Variants in MMD2 observed in about 807,000 individuals in gnomAD.
The protein encoded by MMD2 is monocyte to macrophage differentiation factor 2.
MMD2 carries 30 observed loss-of-function variants against 33.5 expected under a neutral mutation model. The observed-to-expected ratio is 0.90, with a 90% CI of 0.67 to 1.22. The LOEUF (loss-of-function observed/expected upper bound fraction) is 1.22, where lower values mean the gene tolerates loss of function less well. Ranked by LOEUF, MMD2 falls within the 50% of genes most tolerant of loss-of-function variation. The pLI is 0.00. For synonymous variants in MMD2, 129 were observed against 123.0 expected, an observed-to-expected ratio of 1.05 and a Z score of -0.32; for missense variants, 364 against 325.4, an observed-to-expected ratio of 1.12 and a Z score of -0.91.
chr7:4,910,308 C>T (rs1430455895), intron 5 of MMD2, among the ~76,000 whole-genome samples: 1 of 152,128 alleles, frequency 6.6e-6, no homozygotes, highest in Non-Finnish European at 1.5e-5. Context: ...CCCACAAGGC[C>T]CAAGCAGCCA....
At chr7:4,934,908 G>A (rs868277909) in intron 1 of MMD2, among the ~76,000 whole-genome samples, 2 of 152,176 alleles carry the variant, frequency 1.3e-5, no homozygotes, top group African/African-American at 4.8e-5. Context: ...GTTTAAGGCC[G>A]AGCGGGGTGG....
chr7:4,942,328 G>A (rs1785933201), intron 1 of MMD2, among the ~76,000 whole-genome samples: 1 of 151,192 alleles, frequency 6.6e-6, no homozygotes, highest in Non-Finnish European at 1.5e-5. Context: ...TCGAATACCT[G>A]GCCTCATGTG....
chr7:4,913,991 T>C (rs1412679911), intron 4 of MMD2, among the ~76,000 whole-genome samples: 1 of 152,056 alleles, frequency 6.6e-6, no homozygotes, highest in Non-Finnish European at 1.5e-5. Flanking sequence ...TGTTTCAGTT[T>C]CTTGTTTGTT....
chr7:4,921,946 C>T (rs777665488), intron 2 of MMD2, among the ~76,000 whole-genome samples: 17 of 152,102 alleles, frequency 1.1e-4, no homozygotes, highest in South Asian at 6.2e-4. Context: ...CATTTCTGGC[C>T]GGGTGCGGTG....
In MMD2 at chr7:4,946,149, A is replaced by C. The variant is rs1417803891; in HGVS notation, c.47+12822T>G. Reference sequence around the variant, plus strand: ...CACACCTGCACACGCACGCACACCCACACCCGCGCGCACACCTGCACACAT... The same window carrying C: ...CACACCTGCACACGCACGCACACCCCCACCCGCGCGCACACCTGCACACAT... On this transcript the variant is annotated intron_variant, in intron 1 of 6. Coordinates refer to ENST00000401401, the MANE Select transcript of MMD2 (RefSeq NM_198403.4). This position sits in a 1 kb window ranked among gnomAD's most constrained non-coding sequence, Gnocchi z 5.0. 6.6e-6 allele frequency among the ~76,000 whole-genome samples: 1 copy of C among 150,650 alleles called. No individual in the cohort carries two copies. Among genetic ancestry groups the C allele is most frequent in the East Asian group, 2.0e-4 (1 of 5,114 alleles).
At chr7:4,948,721 C>T (rs942963385) in intron 1 of MMD2, among the ~76,000 whole-genome samples, 58 of 152,306 alleles carry the variant, frequency 3.8e-4, no homozygotes, top group African/African-American at 1.4e-3. Context: ...CACCTGGGAA[C>T]AAATCTGACT....
intron 6 of MMD2, among the ~76,000 whole-genome samples, chr7:4,909,207 C>T (rs761063998): frequency 3.2e-4 from 49 of 151,712 alleles, no homozygotes; most frequent in African/African-American, 1.1e-3. Flanking sequence ...AGAAACTCTC[C>T]GCAGGGCACG....
intron 1 of MMD2, among the ~76,000 whole-genome samples, chr7:4,954,633 G>A (rs1238093076): frequency 6.6e-6 from 1 of 151,930 alleles, no homozygotes; most frequent in Non-Finnish European, 1.5e-5. Flanking sequence ...TGCCCAAGCT[G>A]GTCTTGAACT....
chr7:4,932,396 T>C (rs1785612051), intron 1 of MMD2, among the ~76,000 whole-genome samples: 3 of 152,176 alleles, frequency 2.0e-5, no homozygotes, highest in African/African-American at 7.2e-5. Context: ...AGTGAATTCA[T>C]ATTTTAATTT....
At chr7:4,953,013 T>C (rs1786291024) in intron 1 of MMD2, among the ~76,000 whole-genome samples, 1 of 151,888 alleles carries the variant, frequency 6.6e-6, no homozygotes, top group Non-Finnish European at 1.5e-5. Context: ...GTTTGCTTAG[T>C]TGGTTTTTTA....
intron 1 of MMD2, among the ~76,000 whole-genome samples, chr7:4,942,750 C>T (rs1046123202): frequency 2.6e-5 from 4 of 151,016 alleles, no homozygotes; most frequent in Non-Finnish European, 5.9e-5. Context: ...GTAGCTGGGA[C>T]TACAGACACG....
At chr7:4,953,510 GC>G (rs1297378482) in intron 1 of MMD2, among the ~76,000 whole-genome samples, 1 of 146,528 alleles carries the variant, frequency 6.8e-6, no homozygotes, top group Non-Finnish European at 1.5e-5. Context: ...TCACTCTATC[GC>G]CCAGGCTGGA....
Position 4,923,316 on chromosome 7 carries a change from C to G in MMD2, c.129+2135G>C, listed in dbSNP as rs151276471. Reference sequence around the variant, plus strand: ...ATGGGGTTTCACCATGTTGGCCAGGCTGGTCTCGAACTCCCAACCTCAAGT... The same window carrying G: ...ATGGGGTTTCACCATGTTGGCCAGGGTGGTCTCGAACTCCCAACCTCAAGT... On this transcript the variant is annotated intron_variant, in intron 2 of 6. Transcript: ENST00000401401. Among the ~76,000 whole-genome samples, 159 of 152,146 alleles carry G rather than the reference C, an allele frequency of 1.0e-3. 1 individual carries two copies. Among genetic ancestry groups the G allele is most frequent in the African/African-American group, 3.7e-3 (154 of 41,516 alleles).
chr7:4,906,129 G>A lies in MMD2; in HGVS notation c.*1267C>T, dbSNP rs565188356. ...GCCCACTCCACCCTGGTTGGGAGTC[G>A]CAGAATGAGGACCTCCTGACTTGAG... On this transcript the variant is annotated 3_prime_UTR_variant, in exon 7 of 7. Transcript: ENST00000401401. 14 of 191,268 alleles carry A rather than the reference G, an allele frequency of 7.3e-5. No individual in the cohort carries two copies. The highest frequency in any genetic ancestry group is 2.4e-4 in the East Asian group (2 of 8,214). The allele number at this position is 191,268 out of a possible 1,614,324, so 11.8% of individuals were successfully genotyped here.
Position 4,906,743 on chromosome 7 carries a change from A to C in MMD2, c.*653T>G. The C allele has an allele frequency of 2.5e-6, 1 of 392,284 alleles. No individual in the cohort carries two copies. The highest frequency in any genetic ancestry group is 4.5e-6 in the Non-Finnish European group (1 of 222,350). The allele number at this position is 392,284 out of a possible 1,614,324, so 24.3% of individuals were successfully genotyped here. ...TGCAAATGCCCATTTGGAGATTTTC[A>C]GCTACTCTGGCCATTATCCCATTTC... On this transcript the variant is annotated 3_prime_UTR_variant, in exon 7 of 7. Transcript: ENST00000401401.
intron 1 of MMD2, among the ~76,000 whole-genome samples, chr7:4,930,361 C>T (rs770111527): frequency 2.6e-5 from 4 of 151,116 alleles, no homozygotes; most frequent in Middle Eastern, 3.4e-3. Flanking sequence ...CAAAACAGGC[C>T]GGGCATGGTG....
rs76597773 is a variant in MMD2, at chr7:4,920,996, C to A, written c.130-665G>T. ...GCCTCCAAAGGATTGGGATTATAGG[C>A]GTGAGCCACCATGCCCAGCCTCAGG... is the stretch of plus-strand genomic sequence containing the variant. On this transcript the variant is annotated intron_variant, in intron 2 of 6. Coordinates refer to ENST00000401401, the MANE Select transcript of MMD2 (RefSeq NM_198403.4). 4.0e-3 allele frequency among the ~76,000 whole-genome samples: 613 copies of A among 152,250 alleles called. 13 individuals are homozygous for A. The East Asian group carries it at 0.05, about 13-fold the overall frequency.
Position 4,920,332 on chromosome 7 carries a change from C to A in MMD2, c.130-1G>T. 6.2e-7 allele frequency: 1 copy of A among 1,607,484 alleles called. No individual in the cohort carries two copies. The highest frequency in any genetic ancestry group is 8.5e-7 in the Non-Finnish European group (1 of 1,177,460). On this transcript the variant is annotated splice_acceptor_variant, in intron 2 of 6. Transcript: ENST00000401401. LOFTEE classifies it high-confidence loss of function. The stretch of plus-strand genomic sequence containing the variant: ...CCAGGATGCTGGGGATGATCCAGAA[C>A]TGGAGGGGCAGGGACGGCAGGGACA...
intron 1 of MMD2, among the ~76,000 whole-genome samples, chr7:4,953,475 CTT>C (rs34343195): frequency 8.0e-4 from 113 of 141,238 alleles, no homozygotes; most frequent in Middle Eastern, 3.5e-3. Context: ...GATTCAGTCT[CTT>C]TTTTTTTTTT....
Sources: gnomAD v4.1 joint callset for allele counts (sites outside exome capture counted in the v4.1 genomes callset) on GRCh38, gnomAD v4.1.1 for gene constraint, Gnocchi (gnomAD v3.1) non-coding constraint, MANE v1.5 for transcripts, NCBI Gene and HGNC (gene_info 2026-07-23, HGNC 2026-07-21) for gene names.